Variants in SHTN1 observed in about 807,000 individuals in gnomAD.
SHTN1 encodes shootin-1.
Under a neutral mutation model 83.1 loss-of-function variants are expected in SHTN1, and 42 were observed. The ratio of observed to expected loss-of-function variants is 0.51; its 90% CI spans 0.39 to 0.65. The LOEUF (loss-of-function observed/expected upper bound fraction) is 0.65. Among genes scored for constraint, SHTN1 ranks in the 30% least tolerant of loss-of-function variants. The pLI, the probability that SHTN1 is intolerant of heterozygous loss-of-function variation, is 0.00. For missense variants in SHTN1, 622 were observed against 737.8 expected (o/e 0.84, Z 1.82); for synonymous variants, 224 against 247.7 (o/e 0.90, Z 0.90).
intron 16 of SHTN1, among the ~76,000 whole-genome samples, chr10:116,895,068 CATAGA>C (rs534785283): frequency 1.5e-3 from 231 of 152,244 alleles, no homozygotes; most frequent in Non-Finnish European, 2.6e-3. Context: ...CTTAAAAAGG[CATAGA>C]ATAAAGTGGA....
intron 15 of SHTN1, 119 bp from the exon 16 acceptor site, chr10:116,902,076 T>C: frequency 1.2e-6 from 1 of 851,990 alleles, no homozygotes; most frequent in South Asian, 1.9e-5. Context: ...TTTGTTAAAA[T>C]TTCAAGAGCA....
upstream of SHTN1, among the ~76,000 whole-genome samples, chr10:117,009,898 C>T (rs1852077856): frequency 6.6e-6 from 1 of 150,618 alleles, no homozygotes; most frequent in Admixed American, 6.6e-5. Flanking sequence ...GTGAGACTGT[C>T]TCAAAAAAAA....
intron 1 of SHTN1, among the ~76,000 whole-genome samples, chr10:116,986,584 A>G (rs1851224676): frequency 6.6e-6 from 1 of 152,042 alleles, no homozygotes; most frequent in Non-Finnish European, 1.5e-5. Context: ...CAGGTGGCAT[A>G]GAAAAGTAGC....
intron 4 of SHTN1, 56 bp from the exon 5 acceptor site, chr10:116,954,266 T>A: frequency 8.5e-7 from 1 of 1,179,430 alleles, no homozygotes; most frequent in East Asian, 2.5e-5. Context: ...GTATCTTGGA[T>A]TTTTAAACAA....
At chr10:117,105,851 C>T (rs1173505172) in intron 1 of SHTN1, among the ~76,000 whole-genome samples, 1 of 152,066 alleles carries the variant, frequency 6.6e-6, no homozygotes, top group Non-Finnish European at 1.5e-5. Flanking sequence ...AACCCTGTCT[C>T]TACAAAAAAT....
chr10:116,897,826 T>C (rs1354773970), intron 16 of SHTN1, among the ~76,000 whole-genome samples: 3 of 152,158 alleles, frequency 2.0e-5, no homozygotes, highest in African/African-American at 7.2e-5. Context: ...TGGAAATAAC[T>C]GGATGCTGCT....
chr10:116,979,430 G>T, intron 1 of SHTN1, 122 bp from the exon 2 acceptor site: 1 of 741,388 alleles, frequency 1.3e-6, no homozygotes, highest in South Asian at 1.5e-5. Flanking sequence ...AGAAGAGGCT[G>T]CAGAAAAGGG....
rs1847097317 is a variant in SHTN1, at chr10:116,884,123, G to A, written c.*2221C>T. 2.3e-6 allele frequency: 1 copy of A among 428,074 alleles called. No individual in the cohort carries two copies. Among genetic ancestry groups the A allele is most frequent in the Non-Finnish European group, 4.8e-6 (1 of 209,100 alleles). The allele number at this position is 428,074 out of a possible 1,614,324, so 26.5% of individuals were successfully genotyped here. A position where few individuals can be genotyped will look rare whatever the true frequency, so the allele number is the denominator to read the frequency against. On this transcript the variant is annotated 3_prime_UTR_variant, in exon 17 of 17. Transcript: ENST00000355371. ...TTAGAGAAATCAAAAACATAAAGAT[G>A]CAGTCTTTTCCAACTTAAAATTGTG...
At chr10:117,081,396 T>C (rs1424516940) in intron 1 of SHTN1, among the ~76,000 whole-genome samples, 7 of 135,982 alleles carry the variant, frequency 5.1e-5, no homozygotes, top group African/African-American at 1.9e-4. Context: ...CACTTGATCA[T>C]GGTGGATAAG....
At chr10:117,001,966 A>T (rs1851835616) in intron 1 of SHTN1, among the ~76,000 whole-genome samples, 1 of 152,222 alleles carries the variant, frequency 6.6e-6, no homozygotes, top group African/African-American at 2.4e-5. Context: ...CATCACTAAT[A>T]ACCAGAGCAA....
At chr10:116,964,968 A>AAAAT (rs1181716001) in intron 3 of SHTN1, among the ~76,000 whole-genome samples, 63 of 152,140 alleles carry the variant, frequency 4.1e-4, no homozygotes, top group South Asian at 6.2e-4. Flanking sequence ...CTCCATCTCA[A>AAAAT]AAATAAATAA....
chr10:117,122,879 C>CT (rs1853951733), intron 1 of SHTN1, among the ~76,000 whole-genome samples: 2 of 152,140 alleles, frequency 1.3e-5, no homozygotes, highest in Admixed American at 1.3e-4. Context: ...GGCAGTTTAG[C>CT]CAATGCTTCT....
At chr10:116,933,620 A>G (rs2133384142) in intron 9 of SHTN1, among the ~76,000 whole-genome samples, 1 of 152,322 alleles carries the variant, frequency 6.6e-6, no homozygotes, top group East Asian at 1.9e-4. Context: ...TAGTGCTGCA[A>G]TAAACATATG....
chr10:117,038,304 ATTT>A (rs56058010), intron 2 of SHTN1, among the ~76,000 whole-genome samples: 8 of 144,152 alleles, frequency 5.5e-5, no homozygotes, highest in South Asian at 2.2e-4. Context: ...ATACCCAGCT[ATTT>A]TTTTTTTTTT....
intron 4 of SHTN1, among the ~76,000 whole-genome samples, chr10:116,958,393 A>G (rs1324064217): frequency 1.3e-5 from 2 of 152,176 alleles, no homozygotes; most frequent in Admixed American, 6.5e-5. Flanking sequence ...AAAATAAACT[A>G]TATGTTCATT....
At chr10:117,075,670 G>T (rs1020279242) in intron 1 of SHTN1, among the ~76,000 whole-genome samples, 2 of 152,184 alleles carry the variant, frequency 1.3e-5, no homozygotes, top group Admixed American at 1.3e-4. Context: ...AGATACCAGA[G>T]ATATTATAGT....
chr10:117,005,340 C>T (rs980549768), upstream of SHTN1: 20 of 1,268,354 alleles, frequency 1.6e-5, no homozygotes, highest in Non-Finnish European at 1.8e-5. Flanking sequence ...GGAACGAGGG[C>T]GGGTCGGCAG....
At chr10:116,973,496 A>G (rs1850689877) in intron 2 of SHTN1, among the ~76,000 whole-genome samples, 1 of 152,188 alleles carries the variant, frequency 6.6e-6, no homozygotes, top group Admixed American at 6.5e-5. Flanking sequence ...CTCCTCTGAG[A>G]ACTGAACAAA....
intron 4 of SHTN1, 67 bp from the exon 5 acceptor site, chr10:116,954,277 T>A: frequency 9.6e-7 from 1 of 1,038,512 alleles, no homozygotes; most frequent in Non-Finnish European, 1.4e-6. Flanking sequence ...TTTTAAACAA[T>A]AGACAAATTA....
Sources: allele counts gnomAD v4.1 joint callset (sites outside exome capture counted in the v4.1 genomes callset), GRCh38; gene constraint gnomAD v4.1.1; transcripts MANE v1.5; gene names NCBI Gene and HGNC (gene_info 2026-07-23, HGNC 2026-07-21).